The following LAIR2 variants were observed in gnomAD, a reference collection of about 807,000 sequenced individuals.
LAIR2 encodes leukocyte-associated immunoglobulin-like receptor 2.
In LAIR2, 14 loss-of-function variants were observed where a neutral mutation model predicts 14.8. That is an observed-to-expected ratio of 0.95 (90% CI 0.62 to 1.48). The LOEUF (loss-of-function observed/expected upper bound fraction) is 1.48. Among genes scored for constraint, LAIR2 ranks in the 40% most tolerant of loss-of-function variants. The pLI is 0.00. For missense variants in LAIR2, 172 were observed against 180.9 expected (o/e 0.95, Z 0.28); for synonymous variants, 75 against 74.5 (o/e 1.01, Z -0.03).
At chr19:54,506,256 A>T (rs2123394277) in intron 2 of LAIR2, among the ~76,000 whole-genome samples, 1 of 152,316 alleles carries the variant, frequency 6.6e-6, no homozygotes, top group East Asian at 1.9e-4. Context: ...CAACGTAGGC[A>T]TTCCTCCTGT....
chr19:54,507,778 C>T, intron 2 of LAIR2, 113 bp from the exon 3 acceptor site: 1 of 1,030,734 alleles, frequency 9.7e-7, no homozygotes, highest in Admixed American at 2.1e-5. Context: ...GTGGTCGTGG[C>T]TGCATAACTC....
intron 2 of LAIR2, 114 bp from the exon 3 acceptor site, chr19:54,507,777 G>A (rs942920873): frequency 8.9e-6 from 9 of 1,009,318 alleles, no homozygotes; most frequent in Non-Finnish European, 1.3e-5. Flanking sequence ...TGTGGTCGTG[G>A]CTGCATAACT....
chr19:54,508,845 GC>G (rs1412293292), intron 3 of LAIR2, among the ~76,000 whole-genome samples, 189 bp from the exon 4 acceptor site: 1 of 152,274 alleles, frequency 6.6e-6, no homozygotes. Flanking sequence ...GGAGTGACCA[GC>G]CCCAGGGAGA....
At chr19:54,503,021 C>G (rs1357788405) in intron 1 of LAIR2, 69 bp downstream of exon 1, 2 of 1,440,936 alleles carry the variant, frequency 1.4e-6, no homozygotes, top group Non-Finnish European at 1.9e-6. Flanking sequence ...CCTGCTCAAG[C>G]CTGACTCTAG....
In LAIR2 at chr19:54,504,946, T is replaced by C. The variant is rs538299438; in HGVS notation, c.70+1211T>C. On this transcript the variant is annotated intron_variant, in intron 2 of 4. Coordinates refer to ENST00000301202, the MANE Select transcript of LAIR2 (RefSeq NM_002288.6). ...TTTTAGATTCCACATGCGGTATTTG[T>C]CTTTCTGTACCCAGCTTATTTCACT... 1.7e-4 allele frequency among the ~76,000 whole-genome samples: 26 copies of C among 152,300 alleles called. No homozygotes were observed. The South Asian group carries it at 5.2e-3, about 30-fold the overall frequency.
At chr19:54,507,427 C>T (rs1214814099) in intron 2 of LAIR2, among the ~76,000 whole-genome samples, 1 of 152,138 alleles carries the variant, frequency 6.6e-6, no homozygotes, top group Non-Finnish European at 1.5e-5. Flanking sequence ...CCCCGTCCCA[C>T]ACTCAGTCCC....
At chr19:54,507,706 G>T (rs2085389330) in intron 2 of LAIR2, among the ~76,000 whole-genome samples, 185 bp from the exon 3 acceptor site, 1 of 152,260 alleles carries the variant, frequency 6.6e-6, no homozygotes, top group South Asian at 2.1e-4. Context: ...AAACTCTGCA[G>T]TGATGAGAAT....
At chr19:54,504,113 C>A (rs1283472791) in intron 2 of LAIR2, among the ~76,000 whole-genome samples, 1 of 129,372 alleles carries the variant, frequency 7.7e-6, no homozygotes, top group Admixed American at 8.1e-5. Context: ...CCCACCACCA[C>A]CCCTGGCTAA....
chr19:54,505,232 G>A (rs73936575), intron 2 of LAIR2, among the ~76,000 whole-genome samples: 3,070 of 149,968 alleles, frequency 0.02, 80 homozygotes, highest in African/African-American at 0.069. Flanking sequence ...GGCTGAACCC[G>A]GCACTTTTCC....
At chr19:54,507,307 A>C (rs1323203870) in intron 2 of LAIR2, among the ~76,000 whole-genome samples, 6 of 150,642 alleles carry the variant, frequency 4.0e-5, no homozygotes, top group Non-Finnish European at 7.4e-5. Context: ...GTCTCCACAG[A>C]GATCTGCATT....
rs142442998 is a variant in LAIR2 at position 54,505,764 on chromosome 19, T to A, written c.70+2029T>A. ...TCATCTCTACATTCCTCCAGGTTCT[T>A]TCGCTTTCTCAAACACTCCATATGC... On this transcript the variant is annotated intron_variant, in intron 2 of 4. Coordinates refer to ENST00000301202, the MANE Select transcript of LAIR2 (RefSeq NM_002288.6). Among the ~76,000 whole-genome samples, 37 of 152,146 alleles carry A rather than the reference T, an allele frequency of 2.4e-4. No homozygotes were observed. The East Asian group carries it at 3.9e-3, about 16-fold the overall frequency.
At position 54,504,937 on chromosome 19, in the gene LAIR2, C is replaced by T. The variant is rs145267104; in HGVS notation, c.70+1202C>T. Among the ~76,000 whole-genome samples the T allele has an allele frequency of 4.2e-4, 64 of 152,256 alleles. No individual in the cohort carries two copies. The East Asian group carries it at 6.2e-3, about 15-fold the overall frequency. ...GATGAACTTTTTTAGATTCCACATG[C>T]GGTATTTGTCTTTCTGTACCCAGCT... is the stretch of plus-strand genomic sequence containing the variant. On this transcript the variant is annotated intron_variant, in intron 2 of 4. Coordinates refer to ENST00000301202, the MANE Select transcript of LAIR2 (RefSeq NM_002288.6).
chr19:54,503,380 C>T (rs1394453297), intron 1 of LAIR2, among the ~76,000 whole-genome samples: 1 of 151,858 alleles, frequency 6.6e-6, no homozygotes, highest in African/African-American at 2.4e-5. Context: ...ATTGCTTGAA[C>T]CCGGGAGGTG....
Position 54,508,136 on chromosome 19 carries a change from C to A in LAIR2, c.316C>A (p.Pro106Thr). ...AGLYRCLYYKPPGWSEHSDFL... is the reference protein window; with the variant it reads ...AGLYRCLYYKTPGWSEHSDFL... ...GCTTTATCGCTGCCTCTATTATAAG[C>A]CCCCTGGATGGTCTGAGCACAGTGA... is the stretch of plus-strand genomic sequence containing the variant. The change falls in exon 3 of 5, where the codon CCC becomes ACC. Residue 106 changes from proline to threonine, a missense_variant. Physicochemically the swap from Pro to Thr is conservative, Grantham distance 38. Around this residue, in one of 2 missense-constraint regions of LAIR2, gnomAD observed 161 missense variants for 149.0 expected, o/e 1.08. Transcript: ENST00000301202. 1 of 1,613,952 alleles carries A rather than the reference C, an allele frequency of 6.2e-7. No individual in the cohort carries two copies. The highest frequency in any genetic ancestry group is 1.1e-5 in the South Asian group (1 of 91,074).
At position 54,502,927 on chromosome 19, in the gene LAIR2, A is replaced by C. The variant is rs549508448; in HGVS notation, c.9A>C (p.Pro3=). The C allele has an allele frequency of 5.2e-5, 84 of 1,614,076 alleles. No homozygotes were observed. Among genetic ancestry groups the C allele is most frequent in the Middle Eastern group, 5.0e-4 (3 of 6,060 alleles). The change falls in exon 1 of 5, where the codon CCA becomes CCC. Residue 3 remains proline, a synonymous_variant. Transcript: ENST00000301202. Reference sequence around the variant, plus strand: ...GTTCTGGGACCGGGGCCATGTCTCCACACCTCACTGCTCTCCTGGGCCTAG... The same window carrying C: ...GTTCTGGGACCGGGGCCATGTCTCCCCACCTCACTGCTCTCCTGGGCCTAG... MS[P]HLTALLGLVL...
chr19:54,502,940 C>T lies in LAIR2; in HGVS notation c.22C>T (p.Leu8Phe). ...GGCCATGTCTCCACACCTCACTGCT[C>T]TCCTGGGCCTAGGTGAGTCCTGGAG... Reference protein sequence around the residue: MSPHLTALLGLVLCLAQT... With the variant: MSPHLTAFLGLVLCLAQT... Residue 8 changes from leucine to phenylalanine, a missense_variant, in exon 1 of 5, where the codon CTC becomes TTC. Coordinates refer to ENST00000301202, the MANE Select transcript of LAIR2 (RefSeq NM_002288.6). 6 of 1,613,898 alleles carry T rather than the reference C, an allele frequency of 3.7e-6. No homozygotes were observed. Among genetic ancestry groups the T allele is most frequent in the Non-Finnish European group, 5.1e-6 (6 of 1,179,876 alleles).
chr19:54,504,837 T>C (rs1188509171), intron 2 of LAIR2, among the ~76,000 whole-genome samples: 1 of 152,164 alleles, frequency 6.6e-6, no homozygotes, highest in African/African-American at 2.4e-5. Context: ...CTTGAACTCC[T>C]GACCTCAGGT....
In LAIR2 at chr19:54,502,872, C is replaced by A. The variant is rs2042287; in HGVS notation, c.-47C>A. 1 of 1,613,108 alleles carries A rather than the reference C, an allele frequency of 6.2e-7. No homozygotes were observed. The highest frequency in any genetic ancestry group is 1.7e-5 in the Admixed American group (1 of 60,010). On this transcript the variant is annotated 5_prime_UTR_variant, in exon 1 of 5. Transcript: ENST00000301202. The stretch of plus-strand genomic sequence containing the variant: ...CCACGGGCAGGAGGCCCCCGGCCAG[C>A]ACATCCTGTCTGCTTGTGTCTGCTG...
intron 2 of LAIR2, among the ~76,000 whole-genome samples, chr19:54,506,962 G>T (rs1479485381): frequency 6.6e-6 from 1 of 151,950 alleles, no homozygotes; most frequent in East Asian, 1.9e-4. Flanking sequence ...GCAAAGTGAG[G>T]TTATATTAAT....
Sources: allele counts gnomAD v4.1 joint callset (sites outside exome capture counted in the v4.1 genomes callset), GRCh38; gene constraint gnomAD v4.1.1; regional missense constraint gnomAD v4.1.1; transcripts MANE v1.5; gene names NCBI Gene and HGNC (gene_info 2026-07-23, HGNC 2026-07-21).